TTPA: variants seen among roughly 807,000 people sequenced by gnomAD.
TTPA encodes the protein alpha-tocopherol transfer protein.
A neutral mutation model predicts 25.9 loss-of-function variants in TTPA; 23 were observed. The observed-to-expected ratio is 0.89, with a 90% CI of 0.64 to 1.26. The LOEUF (loss-of-function observed/expected upper bound fraction) is 1.26. Among genes scored for constraint, TTPA ranks in the 50% most tolerant of loss-of-function variants. TTPA has a pLI of 0.00. For synonymous variants in TTPA, 148 were observed against 137.3 expected, an observed-to-expected ratio of 1.08 and a Z score of -0.54; for missense variants, 337 against 353.1, an observed-to-expected ratio of 0.95 and a Z score of 0.37.
At chr8:63,080,707 G>T (rs898334329) in intron 1 of TTPA, among the ~76,000 whole-genome samples, 1 of 142,298 alleles carries the variant, frequency 7.0e-6, no homozygotes, top group Non-Finnish European at 1.5e-5. Context: ...GTGACAGAGC[G>T]AGACTCCGTA....
downstream of TTPA, among the ~76,000 whole-genome samples, chr8:63,058,462 C>T (rs933222792): frequency 1.3e-5 from 2 of 152,230 alleles, no homozygotes; most frequent in Middle Eastern, 3.4e-3. Flanking sequence ...AAATAAATTA[C>T]GTGCAGTTGA....
intron 2 of TTPA, among the ~76,000 whole-genome samples, chr8:63,068,040 T>C (rs1805424776): frequency 1.3e-5 from 2 of 152,170 alleles, no homozygotes. Flanking sequence ...ATTATAAGTA[T>C]GGACATGTTA....
At chr8:63,064,105 A>C in intron 4 of TTPA, 101 bp downstream of exon 4, 1 of 798,374 alleles carries the variant, frequency 1.3e-6, no homozygotes. Flanking sequence ...CTAATGATAT[A>C]GATGGGCAGG....
chr8:63,083,777 T>G (rs975983685), intron 1 of TTPA, among the ~76,000 whole-genome samples: 1 of 152,124 alleles, frequency 6.6e-6, no homozygotes, highest in East Asian at 1.9e-4. Flanking sequence ...GTATATCTCT[T>G]TTAGCAGGTT....
intron 4 of TTPA, 95 bp downstream of exon 4, chr8:63,064,111 G>A: frequency 1.2e-6 from 1 of 832,896 alleles, no homozygotes; most frequent in Non-Finnish European, 2.0e-6. Flanking sequence ...ATATAGATGG[G>A]CAGGTACGAG....
intron 1 of TTPA, among the ~76,000 whole-genome samples, chr8:63,076,448 C>T (rs1265199786): frequency 6.6e-6 from 1 of 152,136 alleles, no homozygotes; most frequent in African/African-American, 2.4e-5. Flanking sequence ...GTTTTGCACT[C>T]TTACCCTTTC....
intron 1 of TTPA, among the ~76,000 whole-genome samples, chr8:63,084,414 A>G (rs2129792087): frequency 6.6e-6 from 1 of 152,346 alleles, no homozygotes; most frequent in African/African-American, 2.4e-5. Context: ...GTAGAGTCCA[A>G]AAAATAATTG....
intron 2 of TTPA, among the ~76,000 whole-genome samples, chr8:63,067,870 C>T (rs777902986): frequency 2.0e-5 from 3 of 152,084 alleles, no homozygotes; most frequent in South Asian, 2.1e-4. Context: ...TGTGGTATTT[C>T]GTTTTCTGTT....
At chr8:63,067,412 G>C (rs1438342810) in intron 2 of TTPA, among the ~76,000 whole-genome samples, 1 of 148,174 alleles carries the variant, frequency 6.7e-6, no homozygotes, top group African/African-American at 2.5e-5. Context: ...ACAGAGGAGA[G>C]AGGAATCATA....
intron 1 of TTPA, among the ~76,000 whole-genome samples, chr8:63,075,698 C>CAAAAAAAAAAAAAA (rs751066913): frequency 1.8e-5 from 1 of 56,994 alleles, no homozygotes; most frequent in Admixed American, 1.9e-4. Context: ...GACTCCGTCT[C>CAAAAAAAAAAAAAA]AAAAAAAAAA....
At chr8:63,062,925 A>G (rs1186662693) in intron 4 of TTPA, among the ~76,000 whole-genome samples, 1 of 152,218 alleles carries the variant, frequency 6.6e-6, no homozygotes, top group African/African-American at 2.4e-5. Context: ...TAAAAATACT[A>G]GAATGAAAAG....
At chr8:63,063,088 C>T (rs1261437282) in intron 4 of TTPA, among the ~76,000 whole-genome samples, 2 of 152,144 alleles carry the variant, frequency 1.3e-5, no homozygotes, top group Non-Finnish European at 2.9e-5. Flanking sequence ...TATGAAAGAA[C>T]ATCGTTTCTA....
At chr8:63,058,759 A>C (rs1335652971), downstream of TTPA, among the ~76,000 whole-genome samples, 1 of 152,112 alleles carries the variant, frequency 6.6e-6, no homozygotes, top group Non-Finnish European at 1.5e-5. Context: ...GTTATCCTTT[A>C]TTTGGGTACT....
At chr8:63,085,456 CTTTG>C (rs750763911) in intron 1 of TTPA, among the ~76,000 whole-genome samples, 4 of 152,230 alleles carry the variant, frequency 2.6e-5, no homozygotes, top group African/African-American at 4.8e-5. Flanking sequence ...TAAGCTGTTA[CTTTG>C]TTTGTACCAC....
Position 63,085,849 on chromosome 8 carries a change from G to T in TTPA, c.173C>A (p.Ala58Asp), listed in dbSNP as rs1805742556. The change falls in exon 1 of 5, where the codon GCC becomes GAC. Residue 58 changes from alanine (A) to aspartate (D), a missense_variant. Coordinates refer to ENST00000260116, the MANE Select transcript of TTPA (RefSeq NM_000370.3). ...TDSFLLRFLR[A>D]RDFDLDLAWR... ...GGCCAGGTCCAGATCGAAATCCCGGGCGCGCAGGAACCGCAGCAGGAAGGA... is the reference window on the plus strand; with the variant it reads ...GGCCAGGTCCAGATCGAAATCCCGGTCGCGCAGGAACCGCAGCAGGAAGGA... 5 of 1,536,762 alleles carry T rather than the reference G, an allele frequency of 3.3e-6. No individual in the cohort carries two copies. Among genetic ancestry groups the T allele is most frequent in the Non-Finnish European group, 4.4e-6 (5 of 1,145,626 alleles).
chr8:63,081,012 C>A lies in TTPA; in HGVS notation c.204+4806G>T, dbSNP rs191777874. ...ATTGAGGCAATAATTAATAGCCTAC[C>A]AACCAAAAAAAAAAAACAGACCGAT... On this transcript the variant is annotated intron_variant, in intron 1 of 4. Coordinates refer to ENST00000260116, the MANE Select transcript of TTPA (RefSeq NM_000370.3). 5.8e-3 allele frequency among the ~76,000 whole-genome samples: 851 copies of A among 147,102 alleles called. 8 individuals are homozygous for A. The highest frequency in any genetic ancestry group is 0.021 in the African/African-American group (826 of 39,214).
chr8:63,082,506 GA>G (rs1315649199), intron 1 of TTPA, among the ~76,000 whole-genome samples: 2 of 152,160 alleles, frequency 1.3e-5, no homozygotes, highest in African/African-American at 4.8e-5. Flanking sequence ...ATGGATTAAA[GA>G]CTTAAATGTT....
rs1805278160 is a variant in TTPA at position 63,059,973 on chromosome 8, G to C, written c.*1279C>G. 6.6e-6 allele frequency: 1 copy of C among 151,968 alleles called. No individual in the cohort carries two copies. The highest frequency in any genetic ancestry group is 1.5e-5 in the Non-Finnish European group (1 of 67,984). 9.4% of individuals were successfully genotyped at this position (151,968 alleles called of 1,614,324 possible). ...GGCCTCCCAAAGTGCTGGGATTACA[G>C]GTGTGAGCTGCCACACCCAGTCTTT... On this transcript the variant is annotated 3_prime_UTR_variant, in exon 5 of 5. Coordinates refer to ENST00000260116, the MANE Select transcript of TTPA (RefSeq NM_000370.3).
intron 4 of TTPA, among the ~76,000 whole-genome samples, chr8:63,063,219 T>C (rs771820618): frequency 1.1e-4 from 16 of 152,330 alleles, no homozygotes; most frequent in Non-Finnish European, 2.1e-4. Flanking sequence ...ATGATGCCAA[T>C]GTTTGTCTAA....
Sources: allele counts gnomAD v4.1 joint callset (sites outside exome capture counted in the v4.1 genomes callset), GRCh38; gene constraint gnomAD v4.1.1; transcripts MANE v1.5; gene names NCBI Gene and HGNC (gene_info 2026-07-23, HGNC 2026-07-21).